Variants in EEPD1 observed in about 807,000 individuals in gnomAD.
EEPD1 encodes endonuclease/exonuclease/phosphatase family domain-containing protein 1.
Under a neutral mutation model 46.3 loss-of-function variants are expected in EEPD1, and 17 were observed. The ratio of observed to expected loss-of-function variants is 0.37; its 90% CI spans 0.25 to 0.55. The LOEUF (loss-of-function observed/expected upper bound fraction) is 0.55, where lower values mean the gene tolerates loss of function less well. Among genes scored for constraint, EEPD1 ranks in the 20% least tolerant of loss-of-function variants. The pLI, the probability that EEPD1 is intolerant of heterozygous loss-of-function variation, is 0.83. For missense variants in EEPD1, 673 were observed against 745.6 expected, an observed-to-expected ratio of 0.90 and a Z score of 1.13; for synonymous variants, 313 against 315.6, an observed-to-expected ratio of 0.99 and a Z score of 0.09.
chr7:36,244,554 C>T (rs1004450421), intron 3 of EEPD1, among the ~76,000 whole-genome samples: 2 of 152,030 alleles, frequency 1.3e-5, no homozygotes, highest in African/African-American at 4.8e-5. Flanking sequence ...TTAGACGTGC[C>T]AAGGTTTTCC....
chr7:36,250,565 T>A (rs1473309576), intron 3 of EEPD1, among the ~76,000 whole-genome samples: 1 of 152,206 alleles, frequency 6.6e-6, no homozygotes. Flanking sequence ...CTGTGGCTGC[T>A]TTTACACTAT....
In EEPD1 at chr7:36,154,308, C is replaced by A; in HGVS notation, c.-17C>A. The stretch of plus-strand genomic sequence containing the variant: ...TGCAGTGGTGCGGCCTTCCCGGGAG[C>A]CTGATCCTGGCGGACCATGGGGAGC... On this transcript the variant is annotated 5_prime_UTR_variant, in exon 2 of 8. Transcript: ENST00000242108. This position sits in a 1 kb window ranked among gnomAD's most constrained non-coding sequence, Gnocchi z 4.2. 6.3e-7 allele frequency: 1 copy of A among 1,599,702 alleles called. No individual in the cohort carries two copies. The highest frequency in any genetic ancestry group is 8.5e-7 in the Non-Finnish European group (1 of 1,176,450).
chr7:36,184,157 A>AG (rs1448833418), intron 2 of EEPD1, among the ~76,000 whole-genome samples: 1 of 152,234 alleles, frequency 6.6e-6, no homozygotes, highest in East Asian at 1.9e-4. Flanking sequence ...GCTGATAAAT[A>AG]GATGAAGGTG....
In EEPD1 at chr7:36,154,872, T is replaced by C. The variant is rs1472464860; in HGVS notation, c.548T>C (p.Ile183Thr). The C allele has an allele frequency of 6.2e-7, 1 of 1,614,010 alleles. No homozygotes were observed. Among genetic ancestry groups the C allele is most frequent in the Admixed American group, 1.7e-5 (1 of 60,010 alleles). ...GAGGACCTAGTGAGGATGGATGGTA[T>C]CAATGCCGCCTTCCTGGACAGGATC... The part of the protein sequence containing the change: ...SVEDLVRMDG[I>T]NAAFLDRIRH... Residue 183 changes from isoleucine to threonine, a missense_variant, in exon 2 of 8, where the codon ATC becomes ACC. Coordinates refer to ENST00000242108, the MANE Select transcript of EEPD1 (RefSeq NM_030636.3). The surrounding 1 kb of genome is among the most constrained non-coding windows in gnomAD (Gnocchi z 4.2).
In EEPD1 at chr7:36,287,639, G is replaced by T; in HGVS notation, c.1177G>T (p.Val393Leu). The part of the protein sequence containing the change: ...GPSPYLGRFK[V>L]GSHDLTLVNL... ...TGTTGCTTTGTTTCCTGCTGCCTAG[G>T]TGGGAAGTCACGACCTGACCCTTGT... Residue 393 changes from valine (V) to leucine (L), a missense_variant and splice_region_variant, in exon 6 of 8, where the codon GTG becomes TTG. Physicochemically the swap from Val to Leu is conservative, Grantham distance 32. Transcript: ENST00000242108. 1 of 1,613,514 alleles carries T rather than the reference G, an allele frequency of 6.2e-7. No homozygotes were observed. The highest frequency in any genetic ancestry group is 2.2e-5 in the East Asian group (1 of 44,872).
chr7:36,246,131 A>T (rs1331751916), intron 3 of EEPD1, among the ~76,000 whole-genome samples: 1 of 152,202 alleles, frequency 6.6e-6, no homozygotes, highest in African/African-American at 2.4e-5. Context: ...CCACTGGCTG[A>T]CCCAACCTGA....
At chr7:36,242,221 C>T (rs535230525) in intron 3 of EEPD1, among the ~76,000 whole-genome samples, 1 of 152,318 alleles carries the variant, frequency 6.6e-6, no homozygotes. Flanking sequence ...TAAAGGACTG[C>T]AACACTGTGC....
rs1787583682 is a variant in EEPD1 at position 36,299,539 on chromosome 7, A to G, written c.*333A>G. On this transcript the variant is annotated 3_prime_UTR_variant, in exon 8 of 8. Transcript: ENST00000242108. ...CAAAGACAATATGAGCAGAGGGAGG[A>G]GAAGAAGGGGTGCTCAGGCTGCGGG... 1 of 336,100 alleles carries G rather than the reference A, an allele frequency of 3.0e-6. No individual in the cohort carries two copies. The allele number at this position is 336,100 out of a possible 1,614,324, so 20.8% of individuals were successfully genotyped here. A position where few individuals can be genotyped will look rare whatever the true frequency, so the allele number is the denominator to read the frequency against.
chr7:36,255,669 G>A (rs987274972), intron 3 of EEPD1, among the ~76,000 whole-genome samples: 3 of 152,172 alleles, frequency 2.0e-5, no homozygotes, highest in African/African-American at 4.8e-5. Flanking sequence ...GGGATCAGTG[G>A]TGATATCCCC....
intron 4 of EEPD1, among the ~76,000 whole-genome samples, chr7:36,284,218 T>C (rs1034655804): frequency 6.6e-6 from 1 of 152,210 alleles, no homozygotes; most frequent in Non-Finnish European, 1.5e-5. Flanking sequence ...CCAGGCACCA[T>C]TTTTGTAAGC....
At chr7:36,159,211 C>G (rs2726053) in intron 2 of EEPD1, among the ~76,000 whole-genome samples, 122,193 of 152,222 alleles carry the variant, frequency 0.8, 49,643 homozygotes, top group Middle Eastern at 0.85. Context: ...GGATCAGCTT[C>G]GCCCTGTTAC....
At chr7:36,227,235 TA>T (rs538903974) in intron 2 of EEPD1, among the ~76,000 whole-genome samples, 16 of 152,314 alleles carry the variant, frequency 1.1e-4, no homozygotes, top group Non-Finnish European at 2.2e-4. Flanking sequence ...CTGAATGGAA[TA>T]AAAAACTTGG....
chr7:36,237,474 A>T (rs1202608666), intron 2 of EEPD1, among the ~76,000 whole-genome samples: 1 of 152,088 alleles, frequency 6.6e-6, no homozygotes, highest in African/African-American at 2.4e-5. Flanking sequence ...GAAATTCCAT[A>T]CCTTTTAAAC....
Position 36,214,766 on chromosome 7 carries a change from G to C in EEPD1, c.879-24219G>C, listed in dbSNP as rs779467498. On this transcript the variant is annotated intron_variant, in intron 2 of 7. Transcript: ENST00000242108. ...CTAACTAGCGCTGGCTGACATTGAC[G>C]CAGGAGCTTCCCAGCAGGAATGGAT... Among the ~76,000 whole-genome samples the C allele has an allele frequency of 2.0e-5, 3 of 152,308 alleles. No homozygotes were observed. In the South Asian group the frequency reaches 6.2e-4, roughly 32 times the overall value.
At chr7:36,157,336 T>A (rs1258914980) in intron 2 of EEPD1, among the ~76,000 whole-genome samples, 1 of 152,222 alleles carries the variant, frequency 6.6e-6, no homozygotes, top group Non-Finnish European at 1.5e-5. Context: ...AGCTTATTCA[T>A]CTTCTAGGAC....
At chr7:36,293,505 A>G (rs2115897217) in intron 6 of EEPD1, among the ~76,000 whole-genome samples, 1 of 152,304 alleles carries the variant, frequency 6.6e-6, no homozygotes, top group Non-Finnish European at 1.5e-5. Context: ...GTGGGACTCA[A>G]GCATTAATAT....
intron 4 of EEPD1, among the ~76,000 whole-genome samples, chr7:36,284,066 C>T (rs911847323): frequency 1.3e-5 from 2 of 152,212 alleles, no homozygotes; most frequent in Admixed American, 6.5e-5. Context: ...GCCCCACCGC[C>T]AGCCCTGGCA....
chr7:36,233,309 C>T (rs550136515), intron 2 of EEPD1, among the ~76,000 whole-genome samples: 95 of 152,358 alleles, frequency 6.2e-4, no homozygotes, highest in African/African-American at 2.1e-3. Context: ...TACCTTTCAA[C>T]AAGGGAGGAT....
At chr7:36,199,789 C>G (rs1420192) in intron 2 of EEPD1, among the ~76,000 whole-genome samples, 1 of 151,640 alleles carries the variant, frequency 6.6e-6, no homozygotes, top group Non-Finnish European at 1.5e-5. Flanking sequence ...GGGAGTGCTT[C>G]CCTGGGGGTC....
Sources: allele counts gnomAD v4.1 joint callset (sites outside exome capture counted in the v4.1 genomes callset), GRCh38; gene constraint gnomAD v4.1.1; non-coding constraint Gnocchi (gnomAD v3.1); transcripts MANE v1.5; gene names NCBI Gene and HGNC (gene_info 2026-07-23, HGNC 2026-07-21).